The following LRRC8C variants were observed in gnomAD, a reference collection of about 807,000 sequenced individuals.
The protein encoded by LRRC8C is leucine rich repeat containing 8 VRAC subunit C, also known as volume-regulated anion channel subunit LRRC8C.
In LRRC8C, 20 loss-of-function variants were observed where a neutral mutation model predicts 55.3. The observed-to-expected ratio is 0.36, with a 90% confidence interval of 0.25 to 0.53. The LOEUF (loss-of-function observed/expected upper bound fraction) is 0.53, where lower values mean the gene tolerates loss of function less well. LRRC8C is among the 20% of genes least tolerant of loss of function. LRRC8C has a pLI of 0.92. For missense variants in LRRC8C, 659 were observed against 951.4 expected, an observed-to-expected ratio of 0.69 and a Z score of 4.04; for synonymous variants, 376 against 360.7, an observed-to-expected ratio of 1.04 and a Z score of -0.48.
intron 2 of LRRC8C, among the ~76,000 whole-genome samples, chr1:89,693,116 C>T (rs1658068956): frequency 6.6e-6 from 1 of 152,144 alleles, no homozygotes; most frequent in South Asian, 2.1e-4. Context: ...ATGACAAAGC[C>T]ACCTACAAAA....
rs1658520952 is a variant in LRRC8C at position 89,707,637 on chromosome 1, TGTGTGTGTGTGTGA to T, written c.139-5058_139-5045del. Among the ~76,000 whole-genome samples the T allele has an allele frequency of 2.4e-5, 3 of 124,072 alleles. No homozygotes were observed. The East Asian group carries it at 6.4e-4, about 27-fold the overall frequency. 81.4% of individuals were successfully genotyped at this position (124,072 alleles called of 152,430 possible). Reference sequence around the variant, plus strand: ...ATGCATTCATAAAAGGTGTGGCTGGTGTGTGTGTGTGTGAGTGTGTGTGTGTGTGTGTGTGTGTA... The same window carrying T: ...ATGCATTCATAAAAGGTGTGGCTGGTGTGTGTGTGTGTGTGTGTGTGTGTA... On this transcript the variant is annotated intron_variant, in intron 2 of 2. Coordinates refer to ENST00000370454, the MANE Select transcript of LRRC8C (RefSeq NM_032270.5).
At chr1:89,653,364 T>C (rs1656842684) in intron 1 of LRRC8C, among the ~76,000 whole-genome samples, 1 of 152,272 alleles carries the variant, frequency 6.6e-6, no homozygotes, top group Non-Finnish European at 1.5e-5. Flanking sequence ...GTTTAAGTTT[T>C]TGCAAATGTC....
chr1:89,632,592 C>A (rs1656136822), upstream of LRRC8C: 1 of 152,458 alleles, frequency 6.6e-6, no homozygotes, highest in South Asian at 2.1e-4. Flanking sequence ...TTCATCCTGA[C>A]CCTGGCCTTC....
chr1:89,630,471 A>G (rs1656077887), upstream of LRRC8C, among the ~76,000 whole-genome samples: 1 of 152,310 alleles, frequency 6.6e-6, no homozygotes, highest in South Asian at 2.1e-4. Flanking sequence ...TTGTAATTAC[A>G]CAGTCTTTAG....
intron 2 of LRRC8C, among the ~76,000 whole-genome samples, chr1:89,690,955 C>G (rs1267681553): frequency 6.6e-6 from 1 of 152,160 alleles, no homozygotes; most frequent in Non-Finnish European, 1.5e-5. Context: ...GAAGTGTTGT[C>G]TGAGATGACA....
chr1:89,686,120 G>A (rs1311340868), intron 1 of LRRC8C, among the ~76,000 whole-genome samples: 1 of 151,872 alleles, frequency 6.6e-6, no homozygotes, highest in African/African-American at 2.4e-5. Flanking sequence ...CATTTCAAAG[G>A]ATGAGCTCTA....
chr1:89,662,118 A>G (rs1657138043), intron 1 of LRRC8C, among the ~76,000 whole-genome samples: 1 of 152,224 alleles, frequency 6.6e-6, no homozygotes, highest in South Asian at 2.1e-4. Context: ...CTTGGGCCAC[A>G]CATAAAATAC....
the LRRC8C span, among the ~76,000 whole-genome samples, chr1:89,623,550 G>A: frequency 5.1e-4 from 77 of 152,210 alleles, no homozygotes; most frequent in African/African-American, 1.4e-3. Context: ...GTGAAATCCC[G>A]TCTCTACTAA....
At position 89,715,026 on chromosome 1, in the gene LRRC8C, T is replaced by C; in HGVS notation, c.*44T>C. 1.4e-6 allele frequency: 2 copies of C among 1,405,464 alleles called. No homozygotes were observed. The highest frequency in any genetic ancestry group is 1.9e-6 in the Non-Finnish European group (2 of 1,037,316). The allele number at this position is 1,405,464 out of a possible 1,614,324, so 87.1% of individuals were successfully genotyped here. A position where few individuals can be genotyped will look rare whatever the true frequency, so the allele number is the denominator to read the frequency against. On this transcript the variant is annotated 3_prime_UTR_variant, in exon 3 of 3. Transcript: ENST00000370454. ...TTGACTGAAACACGCTTCTACCAAA[T>C]ACAGTATAAATAATTAGGTAGTCTT... is the stretch of plus-strand genomic sequence containing the variant.
chr1:89,626,165 A>C, the LRRC8C span: 3 of 152,248 alleles, frequency 2.0e-5, no homozygotes, highest in African/African-American at 7.2e-5. Flanking sequence ...TTAGTAACGC[A>C]GTTATAGCAG....
intron 1 of LRRC8C, among the ~76,000 whole-genome samples, chr1:89,642,260 A>G (rs1299608825): frequency 6.6e-6 from 1 of 152,176 alleles, no homozygotes; most frequent in Non-Finnish European, 1.5e-5. Flanking sequence ...AAAAGTTGAG[A>G]TTCTTTTGAC....
chr1:89,634,621 T>A (rs1236839135), intron 1 of LRRC8C, among the ~76,000 whole-genome samples: 6 of 152,224 alleles, frequency 3.9e-5, no homozygotes, highest in African/African-American at 1.4e-4. Context: ...CCAGAGCCAA[T>A]AATTTTTATA....
intron 2 of LRRC8C, among the ~76,000 whole-genome samples, chr1:89,687,459 C>A (rs1050427382): frequency 2.0e-5 from 3 of 152,130 alleles, no homozygotes; most frequent in African/African-American, 7.2e-5. Context: ...GGGAAACTGT[C>A]AGTAGAACTG....
chr1:89,659,057 T>TGTGTGTGTG (rs1166109211), intron 1 of LRRC8C, among the ~76,000 whole-genome samples: 1 of 81,618 alleles, frequency 1.2e-5, no homozygotes, highest in African/African-American at 4.8e-5. Flanking sequence ...GGTTTTTTTT[T>TGTGTGTGTG]TTTTTGTGTG....
intron 1 of LRRC8C, among the ~76,000 whole-genome samples, chr1:89,637,636 C>T (rs1034170390): frequency 1.3e-5 from 2 of 152,002 alleles, no homozygotes; most frequent in African/African-American, 4.8e-5. Flanking sequence ...ACTAATGTCA[C>T]CTTGGACATC....
At chr1:89,631,696 G>A (rs1190665050), upstream of LRRC8C, 1 of 151,880 alleles carries the variant, frequency 6.6e-6, no homozygotes, top group Non-Finnish European at 1.5e-5. Context: ...GGTAAGCCCG[G>A]ACCTAAATTT....
At position 89,714,538 on chromosome 1, in the gene LRRC8C, A is replaced by G. The variant is rs1310665596; in HGVS notation, c.1968A>G (p.Ile656Met). ...HNSITYIPEH[I>M]KKLTSLERLS... ...GCATCACCTACATCCCAGAGCATAT[A>G]AAGAAACTCACCAGCCTGGAACGCC... The change falls in exon 3 of 3, where the codon ATA becomes ATG. Residue 656 changes from isoleucine (I) to methionine (M), a missense_variant. Around this residue, in one of 5 missense-constraint regions of LRRC8C, gnomAD observed 344 missense variants for 464.6 expected, o/e 0.74. Coordinates refer to ENST00000370454, the MANE Select transcript of LRRC8C (RefSeq NM_032270.5). This position sits in a 1 kb window ranked among gnomAD's most constrained non-coding sequence, Gnocchi z 4.6. 1 of 1,614,190 alleles carries G rather than the reference A, an allele frequency of 6.2e-7. No individual in the cohort carries two copies.
the LRRC8C span, among the ~76,000 whole-genome samples, chr1:89,619,276 T>A: frequency 6.6e-6 from 1 of 152,114 alleles, no homozygotes; most frequent in Non-Finnish European, 1.5e-5. Flanking sequence ...AAAATACAAT[T>A]TCCTGTGTTT....
At position 89,713,356 on chromosome 1, in the gene LRRC8C, T is replaced by C. The variant is rs1357803284; in HGVS notation, c.786T>C (p.Tyr262=). ...AAGGTGATATTCTATATGCCATGTA[T>C]GTTCGCCAGACTGTACTTAAAGTTA... The part of the protein sequence containing the change: ...VEEGDILYAM[Y]VRQTVLKVIK... Residue 262 remains tyrosine, a synonymous_variant, in exon 3 of 3, where the codon TAT becomes TAC. Coordinates refer to ENST00000370454, the MANE Select transcript of LRRC8C (RefSeq NM_032270.5). This position sits in a 1 kb window ranked among gnomAD's most constrained non-coding sequence, Gnocchi z 5.2. 6.2e-7 allele frequency: 1 copy of C among 1,614,148 alleles called. No individual in the cohort carries two copies. The highest frequency in any genetic ancestry group is 8.5e-7 in the Non-Finnish European group (1 of 1,180,060).
Sources: allele counts gnomAD v4.1 joint callset (sites outside exome capture counted in the v4.1 genomes callset), GRCh38; gene constraint gnomAD v4.1.1; regional missense constraint gnomAD v4.1.1; non-coding constraint Gnocchi (gnomAD v3.1); transcripts MANE v1.5; gene names NCBI Gene and HGNC (gene_info 2026-07-23, HGNC 2026-07-21).